Variants in LAG3 observed in about 807,000 individuals in gnomAD.
The protein encoded by LAG3 is lymphocyte activating 3, also known as lymphocyte activation gene 3 protein.
A neutral mutation model predicts 49.0 loss-of-function variants in LAG3; 29 were observed. The ratio of observed to expected loss-of-function variants is 0.59; its 90% CI spans 0.44 to 0.81. The LOEUF is 0.81. Among genes scored for constraint, LAG3 ranks in the 30% least tolerant of loss-of-function variants. LAG3 has a pLI of 0.00. For missense variants in LAG3, 693 were observed against 695.2 expected, an observed-to-expected ratio of 1.00 and a Z score of 0.04; for synonymous variants, 320 against 297.3, an observed-to-expected ratio of 1.08 and a Z score of -0.79.
Position 6,774,694 on chromosome 12 carries a change from G to A in LAG3, c.611G>A (p.Arg204Gln), listed in dbSNP as rs144186640. 6.9e-5 allele frequency: 111 copies of A among 1,614,154 alleles called. No homozygotes were observed. The highest frequency in any genetic ancestry group is 4.9e-4 in the African/African-American group (37 of 75,032). ...CGCCCAGCCTCTGTGCATTGGTTCC[G>A]GAACCGGGGCCAGGGCCGAGTCCCT... ...PDRPASVHWF[R>Q]NRGQGRVPVR... is the part of the protein sequence containing the mutation. The change falls in exon 4 of 8, where the codon CGG becomes CAG. Residue 204 changes from arginine to glutamine, a missense_variant. Coordinates refer to ENST00000203629, the MANE Select transcript of LAG3 (RefSeq NM_002286.6).
At chr12:6,775,046 T>C (rs1024538833) in intron 4 of LAG3, among the ~76,000 whole-genome samples, 182 bp downstream of exon 4, 1 of 152,156 alleles carries the variant, frequency 6.6e-6, no homozygotes, top group Non-Finnish European at 1.5e-5. Context: ...CACCCCTTCT[T>C]GCTTCTCCCG....
Position 6,772,776 on chromosome 12 carries a change from C to A in LAG3, c.-77C>A, listed in dbSNP as rs1395661876. 2 of 1,129,096 alleles carry A rather than the reference C, an allele frequency of 1.8e-6. No individual in the cohort carries two copies. Among genetic ancestry groups the A allele is most frequent in the Non-Finnish European group, 2.5e-6 (2 of 787,076 alleles). 69.9% of individuals were successfully genotyped at this position (1,129,096 alleles called of 1,614,324 possible). ...TCTCTGCAGAACTTCTCCTTTACCC[C>A]CCACCCCCCACCACTGCCCCCTTTC... On this transcript the variant is annotated 5_prime_UTR_variant, in exon 1 of 8. Coordinates refer to ENST00000203629, the MANE Select transcript of LAG3 (RefSeq NM_002286.6).
At chr12:6,778,108 G>A in intron 7 of LAG3, 136 bp from the exon 8 acceptor site, 1 of 1,302,096 alleles carries the variant, frequency 7.7e-7, no homozygotes, top group East Asian at 2.5e-5. Flanking sequence ...AAGGGGGGTT[G>A]GGAGAAAGCC....
intron 5 of LAG3, 154 bp downstream of exon 5, chr12:6,775,702 T>C: frequency 9.0e-6 from 6 of 669,652 alleles, no homozygotes; most frequent in Non-Finnish European, 1.5e-5. Context: ...CCCACTTTTC[T>C]CACCCCCATA....
In LAG3 at chr12:6,772,943, A is replaced by G. The variant is rs775939592; in HGVS notation, c.58+33A>G. 1.9e-6 allele frequency: 3 copies of G among 1,602,642 alleles called. No homozygotes were observed. In the South Asian group the frequency reaches 3.3e-5, roughly 18 times the overall value. On this transcript the variant is annotated intron_variant, in intron 1 of 7. Transcript: ENST00000203629. ...GGGGATGGCGGGAGGGTTGACCTCC[A>G]GCCCCACAGGAGGGGACCAGCAGGG...
intron 5 of LAG3, among the ~76,000 whole-genome samples, chr12:6,776,016 G>C (rs894070202): frequency 1.2e-4 from 18 of 152,070 alleles, no homozygotes; most frequent in Admixed American, 1.1e-3. Context: ...AACAAACACA[G>C]AAAAAAGAAT....
At chr12:6,774,468 G>A (rs1264642534) in intron 3 of LAG3, 127 bp from the exon 4 acceptor site, 1 of 1,035,396 alleles carries the variant, frequency 9.7e-7, no homozygotes, top group African/African-American at 1.6e-5. Context: ...GGGAGAGGGT[G>A]ATGTGGGAGA....
Position 6,778,248 on chromosome 12 carries a change from G to C in LAG3, c.1436G>C (p.Arg479Pro). ...FGFHLWRRQW[R>P]PRRFSALEQG... is the part of the protein sequence containing the mutation. ...TCTCTCCATCTCTTCTCACAGTGGCGACCAAGACGATTTTCTGCCTTAGAG... is the reference window on the plus strand; with the variant it reads ...TCTCTCCATCTCTTCTCACAGTGGCCACCAAGACGATTTTCTGCCTTAGAG... Residue 479 changes from arginine to proline, a missense_variant, in exon 8 of 8, where the codon CGA (arginine) becomes CCA (proline). Coordinates refer to ENST00000203629, the MANE Select transcript of LAG3 (RefSeq NM_002286.6). The C allele has an allele frequency of 3.8e-6, 6 of 1,586,962 alleles. No homozygotes were observed. Among genetic ancestry groups the C allele is most frequent in the Non-Finnish European group, 5.1e-6 (6 of 1,166,690 alleles).
Position 6,774,673 on chromosome 12 carries a change from C to T in LAG3, c.590C>T (p.Pro197Leu), listed in dbSNP as rs374827662. 1.9e-6 allele frequency: 3 copies of T among 1,614,088 alleles called. No homozygotes were observed. Among genetic ancestry groups the T allele is most frequent in the Non-Finnish European group, 1.7e-6 (2 of 1,180,042 alleles). ...LNCSFSRPDR[P>L]ASVHWFRNRG... ...TGCTCCTTCAGCCGCCCTGACCGCC[C>T]AGCCTCTGTGCATTGGTTCCGGAAC... Residue 197 changes from proline (P) to leucine (L), a missense_variant, in exon 4 of 8, where the codon CCA (proline) becomes CTA (leucine). Physicochemically the swap from Pro to Leu is moderately conservative, Grantham distance 98 (BLOSUM62 -3). Coordinates refer to ENST00000203629, the MANE Select transcript of LAG3 (RefSeq NM_002286.6).
In LAG3 at chr12:6,774,014, G is replaced by T; in HGVS notation, c.511+13G>T. On this transcript the variant is annotated intron_variant, in intron 3 of 7. Transcript: ENST00000203629. ...GGCCAGGCCTCGAGTATGTGGGGCG[G>T]GACGATGGGAGAAGGGCTGGGAGGT... is the stretch of plus-strand genomic sequence containing the variant. The T allele has an allele frequency of 7.1e-7, 1 of 1,401,888 alleles. No individual in the cohort carries two copies. Among genetic ancestry groups the T allele is most frequent in the South Asian group, 1.6e-5 (1 of 63,572 alleles). The allele number at this position is 1,401,888 out of a possible 1,614,324, so 86.8% of individuals were successfully genotyped here.
intron 1 of LAG3, 90 bp downstream of exon 1, chr12:6,773,000 T>A: frequency 6.9e-7 from 1 of 1,455,366 alleles, no homozygotes; most frequent in Non-Finnish European, 9.6e-7. Flanking sequence ...CTGAGGTCCT[T>A]AGCTCTGTGG....
Position 6,774,723 on chromosome 12 carries a change from C to G in LAG3, c.640C>G (p.Arg214Gly). The G allele has an allele frequency of 6.2e-7, 1 of 1,614,164 alleles. No individual in the cohort carries two copies. The highest frequency in any genetic ancestry group is 8.5e-7 in the Non-Finnish European group (1 of 1,180,006). Residue 214 changes from arginine (R) to glycine (G), a missense_variant, in exon 4 of 8, where the codon CGG becomes GGG. Physicochemically the swap from Arg to Gly is moderately radical, Grantham distance 125 (BLOSUM62 -2). Transcript: ENST00000203629. The part of the protein sequence containing the change: ...RNRGQGRVPV[R>G]ESPHHHLAES... The stretch of plus-strand genomic sequence containing the variant: ...CCGGGGCCAGGGCCGAGTCCCTGTC[C>G]GGGAGTCCCCCCATCACCACTTAGC...
Position 6,775,509 on chromosome 12 carries a change from C to G in LAG3, c.1018C>G (p.Gln340Glu), listed in dbSNP as rs1565482270. Residue 340 changes from glutamine to glutamate, a missense_variant, in exon 5 of 8, where the codon CAG becomes GAG. Transcript: ENST00000203629. ...TYTCHIHLQE[Q>E]QLNATVTLAI... ...CACCTGCCATATCCATCTGCAGGAA[C>G]AGCAGCTCAATGCCACTGTCACATT... 1.2e-6 allele frequency: 2 copies of G among 1,614,258 alleles called. No homozygotes were observed. Among genetic ancestry groups the G allele is most frequent in the African/African-American group, 1.3e-5 (1 of 75,076 alleles).
chr12:6,774,250 G>A (rs1169575185), intron 3 of LAG3, among the ~76,000 whole-genome samples: 1 of 152,244 alleles, frequency 6.6e-6, no homozygotes, highest in Non-Finnish European at 1.5e-5. Context: ...GGAGTGCCCA[G>A]AGGGAGGGGG....
At position 6,777,797 on chromosome 12, in the gene LAG3, A is replaced by C. The variant is rs1941924593; in HGVS notation, c.1307A>C (p.Gln436Pro). 3 of 1,613,792 alleles carry C rather than the reference A, an allele frequency of 1.9e-6. No homozygotes were observed. The highest frequency in any genetic ancestry group is 1.6e-4 in the Middle Eastern group (1 of 6,082). Residue 436 changes from glutamine (Q) to proline (P), a missense_variant, in exon 7 of 8, where the codon CAA becomes CCA. Coordinates refer to ENST00000203629, the MANE Select transcript of LAG3 (RefSeq NM_002286.6). ...YFTELSSPGA[Q>P]RSGRAPGALP... is the part of the protein sequence containing the mutation. Reference sequence around the variant, plus strand: ...TCCTGTACTTTCTCCATAGGTGCCCAACGCTCTGGGAGAGCCCCAGGTGCC... The same window carrying C: ...TCCTGTACTTTCTCCATAGGTGCCCCACGCTCTGGGAGAGCCCCAGGTGCC...
chr12:6,774,050 C>A, intron 3 of LAG3, 49 bp downstream of exon 3: 1 of 1,374,578 alleles, frequency 7.3e-7, no homozygotes, highest in Admixed American at 3.7e-5. Context: ...GGGTCCCCAT[C>A]CCCTGCCTCC....
intron 3 of LAG3, 118 bp from the exon 4 acceptor site, chr12:6,774,477 G>A: frequency 8.8e-7 from 1 of 1,135,958 alleles, no homozygotes; most frequent in Non-Finnish European, 1.2e-6. Context: ...TGATGTGGGA[G>A]AGGAGAAGAC....
rs754243175 is a variant in LAG3, at chr12:6,772,839, A to G, written c.-14A>G. The G allele has an allele frequency of 7.0e-7, 1 of 1,431,688 alleles. No homozygotes were observed. The highest frequency in any genetic ancestry group is 9.3e-7 in the Non-Finnish European group (1 of 1,078,812). 88.7% of individuals were successfully genotyped at this position (1,431,688 alleles called of 1,614,324 possible). ...CCTTTTGGAGGGCTCAGCGCTGCCC[A>G]GACCATAGGAGAGATGTGGGAGGCT... On this transcript the variant is annotated 5_prime_UTR_variant, in exon 1 of 8. Coordinates refer to ENST00000203629, the MANE Select transcript of LAG3 (RefSeq NM_002286.6).
At chr12:6,774,915 C>CT in intron 4 of LAG3, 51 bp downstream of exon 4, 2 of 1,549,752 alleles carry the variant, frequency 1.3e-6, no homozygotes, top group Non-Finnish European at 1.8e-6. Flanking sequence ...TCCTGCCCCC[C>CT]TTGTCACCTC....
Sources: gnomAD v4.1 joint callset for allele counts (sites outside exome capture counted in the v4.1 genomes callset) on GRCh38, gnomAD v4.1.1 for gene constraint, MANE v1.5 for transcripts, NCBI Gene and HGNC (gene_info 2026-07-23, HGNC 2026-07-21) for gene names.